The following PPP1R3A variants were observed in gnomAD, a reference collection of about 807,000 sequenced individuals.
The protein encoded by PPP1R3A is protein phosphatase 1 regulatory subunit 3A, also known as RG1.
Under a neutral mutation model 41.7 loss-of-function variants are expected in PPP1R3A, and 29 were observed. The ratio of observed to expected loss-of-function variants is 0.70; its 90% CI spans 0.52 to 0.95. PPP1R3A has a LOEUF of 0.95. PPP1R3A is among the 40% of genes least tolerant of loss of function. The pLI, the probability that PPP1R3A is intolerant of heterozygous loss-of-function variation, is 0.00. For missense variants in PPP1R3A, 1,352 were observed against 1,292.4 expected, an observed-to-expected ratio of 1.05 and a Z score of -0.71; for synonymous variants, 485 against 453.4, an observed-to-expected ratio of 1.07 and a Z score of -0.89.
chr7:113,892,297 T>C (rs1399892092), intron 1 of PPP1R3A, among the ~76,000 whole-genome samples: 1 of 152,074 alleles, frequency 6.6e-6, no homozygotes. Context: ...AGTATGTCAT[T>C]GGCACTAAGT....
rs1797389419 is a variant in PPP1R3A at position 113,918,897 on chromosome 7, G to A, written c.100C>T (p.Gln34Ter). 1 of 1,613,080 alleles carries A rather than the reference G, an allele frequency of 6.2e-7. No individual in the cohort carries two copies. The highest frequency in any genetic ancestry group is 1.3e-5 in the African/African-American group (1 of 74,830). ...SLCEDEEVTF[Q>*]PGFSPQPSRR... ...CTTGGTTGAGGGGAGAAACCAGGTT[G>A]GAAAGTAACTTCTTCATCTTCACAA... The change falls in exon 1 of 4, where the codon CAA becomes TAA. Residue 34 changes from glutamine to a stop codon, truncating the protein, a stop_gained. Coordinates refer to ENST00000284601, the MANE Select transcript of PPP1R3A (RefSeq NM_002711.4). LOFTEE classifies it high-confidence loss of function.
chr7:113,894,701 A>G (rs1488360143), intron 1 of PPP1R3A, among the ~76,000 whole-genome samples: 1 of 151,914 alleles, frequency 6.6e-6, no homozygotes, highest in African/African-American at 2.4e-5. Context: ...ATTGTATAAA[A>G]AATCATTATT....
At chr7:113,895,017 T>C (rs1796954648) in intron 1 of PPP1R3A, among the ~76,000 whole-genome samples, 1 of 151,946 alleles carries the variant, frequency 6.6e-6, no homozygotes, top group Non-Finnish European at 1.5e-5. Flanking sequence ...AGGAGAGGAA[T>C]ATCTTACCCA....
At chr7:113,902,031 GCTCCTAATTTTAAT>G (rs1797070098) in intron 1 of PPP1R3A, among the ~76,000 whole-genome samples, 1 of 151,718 alleles carries the variant, frequency 6.6e-6, no homozygotes, top group Admixed American at 6.6e-5. Context: ...GTGTAACTTG[GCTCCTAATTTTAAT>G]GATCTTTGTT....
chr7:113,880,628 T>C (rs1796675374), intron 3 of PPP1R3A, among the ~76,000 whole-genome samples: 1 of 151,872 alleles, frequency 6.6e-6, no homozygotes, highest in African/African-American at 2.4e-5. Flanking sequence ...AAATTCTGTT[T>C]TAATGACCCT....
At chr7:113,880,259 A>C in intron 3 of PPP1R3A, 134 bp from the exon 4 acceptor site, 1 of 882,800 alleles carries the variant, frequency 1.1e-6, no homozygotes, top group Non-Finnish European at 1.7e-6. Context: ...TGTGGATTTC[A>C]TATAAACTCT....
At chr7:113,899,850 T>C (rs1797034661) in intron 1 of PPP1R3A, among the ~76,000 whole-genome samples, 1 of 151,796 alleles carries the variant, frequency 6.6e-6, no homozygotes, top group Admixed American at 6.6e-5. Context: ...TTTTACTATA[T>C]GAAGTTATGG....
At chr7:113,906,079 C>A (rs1344612597) in intron 1 of PPP1R3A, among the ~76,000 whole-genome samples, 7 of 151,668 alleles carry the variant, frequency 4.6e-5, no homozygotes, top group Non-Finnish European at 8.8e-5. Flanking sequence ...AGGTGTTGAA[C>A]AATTAGAGTA....
intron 1 of PPP1R3A, among the ~76,000 whole-genome samples, chr7:113,891,084 CAAAAAAAAAAAAAAAA>C (rs11342726): frequency 1.0e-4 from 8 of 79,788 alleles, no homozygotes; most frequent in African/African-American, 2.1e-4. Flanking sequence ...GGAAAAAAAG[CAAAAAAAAAAAAAAAA>C]AAAAAAAAAA....
At position 113,878,125 on chromosome 7, in the gene PPP1R3A, T is replaced by C. The variant is rs773383668; in HGVS notation, c.2967A>G (p.Lys989=). The change falls in exon 4 of 4, where the codon AAA becomes AAG. Residue 989 remains lysine (K), a synonymous_variant. Transcript: ENST00000284601. ...GGAAAATCTGGCCTATGCATCTTTCTTTTCTACTACCTGATGTCACTATTC... is the reference window on the plus strand; with the variant it reads ...GGAAAATCTGGCCTATGCATCTTTCCTTTCTACTACCTGATGTCACTATTC... ...SSGIVTSGSR[K]ERCIGQIFQT... 5.0e-6 allele frequency: 8 copies of C among 1,613,400 alleles called. No individual in the cohort carries two copies. The highest frequency in any genetic ancestry group is 5.9e-6 in the Non-Finnish European group (7 of 1,179,664).
At chr7:113,891,151 C>T (rs1361738770) in intron 1 of PPP1R3A, among the ~76,000 whole-genome samples, 1 of 131,070 alleles carries the variant, frequency 7.6e-6, no homozygotes, top group Admixed American at 8.2e-5. Flanking sequence ...GGTTACTTAA[C>T]ACTTACTAAC....
At position 113,879,496 on chromosome 7, in the gene PPP1R3A, T is replaced by A; in HGVS notation, c.1596A>T (p.Lys532Asn). 6.2e-7 allele frequency: 1 copy of A among 1,613,252 alleles called. No individual in the cohort carries two copies. Among genetic ancestry groups the A allele is most frequent in the East Asian group, 2.2e-5 (1 of 44,828 alleles). The change falls in exon 4 of 4, where the codon AAA becomes AAT. Residue 532 changes from lysine to asparagine, a missense_variant. By Grantham distance (94) the Lys-to-Asn change is moderately conservative. Coordinates refer to ENST00000284601, the MANE Select transcript of PPP1R3A (RefSeq NM_002711.4). ...GGTCATGTAAGATTGTTTGGAAATTTTTTCTTTGTTTTTCATTAACACCTA... is the reference window on the plus strand; with the variant it reads ...GGTCATGTAAGATTGTTTGGAAATTATTTCTTTGTTTTTCATTAACACCTA... ...IYLGVNEKQR[K>N]NFQTILHDQE...
intron 1 of PPP1R3A, among the ~76,000 whole-genome samples, chr7:113,884,152 G>A (rs1246039137): frequency 6.6e-6 from 1 of 151,922 alleles, no homozygotes; most frequent in African/African-American, 2.4e-5. Flanking sequence ...TAAAAAGGTT[G>A]ATAAACATAC....
chr7:113,894,333 C>G (rs1488890993), intron 1 of PPP1R3A, among the ~76,000 whole-genome samples: 1 of 151,946 alleles, frequency 6.6e-6, no homozygotes, highest in Non-Finnish European at 1.5e-5. Context: ...GAGAAAAATA[C>G]AAATGTTTTT....
rs1797391460 is a variant in PPP1R3A at position 113,918,959 on chromosome 7, T to C, written c.38A>G (p.Asp13Gly). The change falls in exon 1 of 4, where the codon GAT becomes GGT. Residue 13 changes from aspartate to glycine, a missense_variant. Transcript: ENST00000284601. ...TAAATTAGGAACTTCTAAAAAATTATCTTTGCTAATCTGACTAGGTACTTC... is the reference window on the plus strand; with the variant it reads ...TAAATTAGGAACTTCTAAAAAATTACCTTTGCTAATCTGACTAGGTACTTC... ...PSEVPSQISK[D>G]NFLEVPNLSD... is the part of the protein sequence containing the mutation. 6.2e-7 allele frequency: 1 copy of C among 1,612,864 alleles called. No individual in the cohort carries two copies. Among genetic ancestry groups the C allele is most frequent in the Admixed American group, 1.7e-5 (1 of 59,914 alleles).
chr7:113,900,273 TAAAC>T (rs1401596930), intron 1 of PPP1R3A, among the ~76,000 whole-genome samples: 1 of 151,692 alleles, frequency 6.6e-6, no homozygotes, highest in African/African-American at 2.4e-5. Context: ...TCTCATAAAA[TAAAC>T]AATCAGAGTC....
chr7:113,879,332 G>T lies in PPP1R3A; in HGVS notation c.1760C>A (p.Thr587Lys), dbSNP rs776906343. ...CACAGCTTCTTCCCAACTTAAATTT[G>T]TCCTTGGTGAATGAGACACATCTGC... ...ITADVSHSPRTNLSWEEAVLT... is the reference protein window; with the variant it reads ...ITADVSHSPRKNLSWEEAVLT... The change falls in exon 4 of 4, where the codon ACA becomes AAA. Residue 587 changes from threonine to lysine, a missense_variant. By Grantham distance (78) the Thr-to-Lys change is moderately conservative. Transcript: ENST00000284601. 1 of 1,613,540 alleles carries T rather than the reference G, an allele frequency of 6.2e-7. No individual in the cohort carries two copies. The highest frequency in any genetic ancestry group is 8.5e-7 in the Non-Finnish European group (1 of 1,179,690).
At chr7:113,914,400 C>T (rs1019606872) in intron 1 of PPP1R3A, among the ~76,000 whole-genome samples, 2 of 152,170 alleles carry the variant, frequency 1.3e-5, no homozygotes, top group Middle Eastern at 3.4e-3. Flanking sequence ...TTCATTTTTT[C>T]ATCTATTAAA....
chr7:113,883,509 G>A (rs1289893769), intron 1 of PPP1R3A, among the ~76,000 whole-genome samples: 1 of 151,652 alleles, frequency 6.6e-6, no homozygotes, highest in Non-Finnish European at 1.5e-5. Context: ...GGTATTTTTA[G>A]TGGGCCCACA....
Sources: allele counts gnomAD v4.1 joint callset (sites outside exome capture counted in the v4.1 genomes callset), GRCh38; gene constraint gnomAD v4.1.1; transcripts MANE v1.5; gene names NCBI Gene and HGNC (gene_info 2026-07-23, HGNC 2026-07-21).